Variants in ANO10 observed in about 807,000 individuals in gnomAD.
ANO10 encodes the protein anoctamin 10, also known as anoctamin-10.
In ANO10, 77 loss-of-function variants were observed where a neutral mutation model predicts 74.7. The ratio of observed to expected loss-of-function variants is 1.03; its 90% CI spans 0.86 to 1.25. The LOEUF (loss-of-function observed/expected upper bound fraction) is 1.25, where lower values mean the gene tolerates loss of function less well. Ranked by LOEUF, ANO10 falls within the 50% of genes most tolerant of loss-of-function variation. ANO10 has a pLI of 0.00. For missense variants in ANO10, 721 were observed against 778.1 expected, an observed-to-expected ratio of 0.93 and a Z score of 0.87; for synonymous variants, 279 against 284.9, an observed-to-expected ratio of 0.98 and a Z score of 0.21.
chr3:43,431,907 T>G (rs1470923950), intron 12 of ANO10, among the ~76,000 whole-genome samples: 5 of 152,090 alleles, frequency 3.3e-5, no homozygotes, highest in African/African-American at 9.7e-5. Flanking sequence ...GCATAGTGGT[T>G]TGGAGGCCAA....
intron 11 of ANO10, among the ~76,000 whole-genome samples, chr3:43,537,083 G>A (rs1459242996): frequency 2.0e-5 from 3 of 149,188 alleles, no homozygotes; most frequent in East Asian, 2.0e-4. Flanking sequence ...ATGTCCAAAC[G>A]TAGACTAGAT....
At chr3:43,660,119 A>C (rs927763354) in intron 1 of ANO10, among the ~76,000 whole-genome samples, 43 of 152,334 alleles carry the variant, frequency 2.8e-4, no homozygotes, top group African/African-American at 9.9e-4. Flanking sequence ...TCAAAGGTAG[A>C]TAAAACCACA....
At chr3:43,567,892 C>T (rs532036800) in intron 7 of ANO10, among the ~76,000 whole-genome samples, 1 of 152,184 alleles carries the variant, frequency 6.6e-6, no homozygotes, top group East Asian at 1.9e-4. Flanking sequence ...GACGGGCAAA[C>T]TGGATAAAGA....
At chr3:43,686,597 C>T (rs1298748346) in intron 1 of ANO10, among the ~76,000 whole-genome samples, 1 of 152,140 alleles carries the variant, frequency 6.6e-6, no homozygotes. Context: ...AAACTCTCAT[C>T]TTTATAGATG....
chr3:43,518,053 T>G (rs1227459381), intron 11 of ANO10, among the ~76,000 whole-genome samples: 1 of 152,124 alleles, frequency 6.6e-6, no homozygotes, highest in Non-Finnish European at 1.5e-5. Flanking sequence ...GGCAGGAATT[T>G]TAAACACACG....
chr3:43,665,320 A>T (rs2149574807), intron 1 of ANO10, among the ~76,000 whole-genome samples: 1 of 152,286 alleles, frequency 6.6e-6, no homozygotes, highest in South Asian at 2.1e-4. Context: ...GGGGAGTTGA[A>T]CAATGAGAAC....
At chr3:43,589,372 A>G (rs1216186175) in intron 4 of ANO10, among the ~76,000 whole-genome samples, 1 of 151,560 alleles carries the variant, frequency 6.6e-6, no homozygotes, top group African/African-American at 2.4e-5. Context: ...AATGCTCAAT[A>G]TAACATGCAT....
intron 11 of ANO10, among the ~76,000 whole-genome samples, chr3:43,524,714 G>C (rs897038358): frequency 2.0e-5 from 3 of 151,932 alleles, no homozygotes; most frequent in Non-Finnish European, 2.9e-5. Flanking sequence ...AACACATCTG[G>C]GCTCTTCTGC....
intron 11 of ANO10, among the ~76,000 whole-genome samples, chr3:43,447,876 T>G (rs115948459): frequency 6.4e-4 from 98 of 152,334 alleles, no homozygotes; most frequent in African/African-American, 2.3e-3. Flanking sequence ...GCCCATAGTT[T>G]ACATTAGGGT....
intron 12 of ANO10, among the ~76,000 whole-genome samples, chr3:43,417,314 C>T (rs887195783): frequency 1.3e-5 from 2 of 152,136 alleles, no homozygotes; most frequent in African/African-American, 4.8e-5. Context: ...GACAAGATGG[C>T]GCTGGCCAAG....
intron 1 of ANO10, among the ~76,000 whole-genome samples, chr3:43,688,009 T>C (rs1267764251): frequency 6.6e-6 from 1 of 152,140 alleles, no homozygotes; most frequent in Non-Finnish European, 1.5e-5. Context: ...TTCTTGCCAT[T>C]GTTGAAGATG....
intron 1 of ANO10, among the ~76,000 whole-genome samples, chr3:43,662,779 C>T (rs1365898203): frequency 6.6e-6 from 1 of 152,070 alleles, no homozygotes; most frequent in Non-Finnish European, 1.5e-5. Flanking sequence ...CGCAAATAAA[C>T]TAGAAAAACT....
intron 1 of ANO10, among the ~76,000 whole-genome samples, chr3:43,620,559 C>T (rs763275439): frequency 6.6e-6 from 1 of 152,144 alleles, no homozygotes; most frequent in Non-Finnish European, 1.5e-5. Flanking sequence ...GGGAGGATTA[C>T]CTGAGGTCAG....
chr3:43,381,930 C>A (rs2091970530), intron 12 of ANO10, among the ~76,000 whole-genome samples: 1 of 152,128 alleles, frequency 6.6e-6, no homozygotes, highest in Non-Finnish European at 1.5e-5. Context: ...TGAAACCCTG[C>A]AAATACATGG....
intron 1 of ANO10, among the ~76,000 whole-genome samples, chr3:43,631,680 T>C (rs1204299705): frequency 6.6e-6 from 1 of 151,474 alleles, no homozygotes; most frequent in East Asian, 1.9e-4. Context: ...AATTCCATGA[T>C]TCTACATAAC....
intron 12 of ANO10, among the ~76,000 whole-genome samples, chr3:43,384,965 T>A (rs570850108): frequency 6.6e-6 from 1 of 152,120 alleles, no homozygotes; most frequent in East Asian, 1.9e-4. Flanking sequence ...AAAGAAACAA[T>A]CAGCAGAGTT....
At chr3:43,397,412 C>T (rs1446439979) in intron 12 of ANO10, among the ~76,000 whole-genome samples, 1 of 151,948 alleles carries the variant, frequency 6.6e-6, no homozygotes, top group Non-Finnish European at 1.5e-5. Flanking sequence ...CATCATGGGG[C>T]GGGGGGCGTA....
chr3:43,563,481 C>A (rs2080153903), intron 8 of ANO10, among the ~76,000 whole-genome samples: 1 of 146,544 alleles, frequency 6.8e-6, no homozygotes, highest in Non-Finnish European at 1.5e-5. Context: ...ACCATAGAAT[C>A]CAGCATTCTG....
intron 12 of ANO10, among the ~76,000 whole-genome samples, chr3:43,409,277 T>C (rs1254744017): frequency 6.6e-6 from 1 of 151,362 alleles, no homozygotes; most frequent in East Asian, 2.0e-4. Flanking sequence ...TCTGGGCACA[T>C]GGGCTCATGC....
Sources: allele counts gnomAD v4.1 joint callset (sites outside exome capture counted in the v4.1 genomes callset), GRCh38; gene constraint gnomAD v4.1.1; transcripts MANE v1.5; gene names NCBI Gene and HGNC (gene_info 2026-07-23, HGNC 2026-07-21).